The following LRRC9 variants were observed in gnomAD, a reference collection of about 807,000 sequenced individuals.
The protein encoded by LRRC9 is leucine-rich repeat-containing protein 9.
In LRRC9, 122 loss-of-function variants were observed where a neutral mutation model predicts 63.2. The ratio of observed to expected loss-of-function variants is 1.93; its 90% CI spans 1.67 to 2.24. The LOEUF (loss-of-function observed/expected upper bound fraction) is 2.24. LRRC9 is among the 30% of genes most tolerant of loss of function. LRRC9 has a pLI of 0.00. For synonymous variants in LRRC9, 366 were observed against 213.1 expected, an observed-to-expected ratio of 1.72 and a Z score of -6.25; for missense variants, 1,071 against 627.7, an observed-to-expected ratio of 1.71 and a Z score of -7.55.
intron 29 of LRRC9, among the ~76,000 whole-genome samples, chr14:60,045,595 G>C (rs1368996169): frequency 6.6e-6 from 1 of 152,132 alleles, no homozygotes; most frequent in Non-Finnish European, 1.5e-5. Context: ...CCCTGCAAAG[G>C]ACATGATCTC....
rs1227473608 is a variant in LRRC9 at position 60,042,498 on chromosome 14, A to T, written c.3990+10435A>T. On this transcript the variant is annotated intron_variant, in intron 29 of 31. Transcript: ENST00000445360. The surrounding 1 kb of genome is among the most constrained non-coding windows in gnomAD (Gnocchi z 4.2). The stretch of plus-strand genomic sequence containing the variant: ...CTGCTGCCTTGCAGTTCGATCTCAG[A>T]CTGCTGTGCTGGCAGTGAGTGAGGC... Among the ~76,000 whole-genome samples, 1 of 152,184 alleles carries T rather than the reference A, an allele frequency of 6.6e-6. No homozygotes were observed. The highest frequency in any genetic ancestry group is 6.5e-5 in the Admixed American group (1 of 15,290).
intron 8 of LRRC9, among the ~76,000 whole-genome samples, chr14:59,952,867 TTTCATTGTTCAG>T (rs1355029631): frequency 7.2e-5 from 11 of 152,280 alleles, no homozygotes; most frequent in African/African-American, 2.6e-4. Context: ...GTCCAAGTGT[TTTCATTGTTCAG>T]CTCCCACTTG....
chr14:60,020,538 T>C (rs1171082639), intron 26 of LRRC9, among the ~76,000 whole-genome samples: 2 of 151,968 alleles, frequency 1.3e-5, no homozygotes, highest in Non-Finnish European at 2.9e-5. Flanking sequence ...ATAATTTTAC[T>C]AAATTTATAG....
intron 31 of LRRC9, 126 bp from the exon 33 acceptor site, chr14:60,063,197 T>C (rs1382896896): frequency 6.5e-6 from 4 of 613,654 alleles, no homozygotes; most frequent in Non-Finnish European, 1.2e-5. Flanking sequence ...TGGGATAATT[T>C]TGTCTTTTTG....
chr14:60,004,881 T>TACACACACAC lies in LRRC9; in HGVS notation c.2842+1098_2842+1107dup, dbSNP rs10550604. Among the ~76,000 whole-genome samples, 1,195 of 150,342 alleles carry TACACACACAC rather than the reference T, an allele frequency of 7.9e-3. 10 individuals are homozygous for TACACACACAC. The highest frequency in any genetic ancestry group is 0.022 in the African/African-American group (912 of 41,102). ...AAAGAGAAATATGTATATGTGTGTA[T>TACACACACAC]ACACACACACACACACACACACACT... On this transcript the variant is annotated intron_variant, in intron 21 of 31. Transcript: ENST00000445360. This position sits in a 1 kb window ranked among gnomAD's most constrained non-coding sequence, Gnocchi z 4.8.
intron 9 of LRRC9, among the ~76,000 whole-genome samples, 180 bp downstream of exon 9, chr14:59,960,194 C>T (rs1884210180): frequency 6.6e-6 from 1 of 152,182 alleles, no homozygotes; most frequent in Admixed American, 6.5e-5. Context: ...GGGATAAAAG[C>T]TGGCTTACAG....
intron 12 of LRRC9, among the ~76,000 whole-genome samples, chr14:59,972,904 T>C (rs1228846120): frequency 6.6e-6 from 1 of 152,098 alleles, no homozygotes; most frequent in African/African-American, 2.4e-5. Flanking sequence ...TGCAAATTGG[T>C]TAAGTGTTAG....
At chr14:59,952,242 G>T (rs200848187) in intron 8 of LRRC9, among the ~76,000 whole-genome samples, 4,259 of 152,152 alleles carry the variant, frequency 0.028, 180 homozygotes, top group African/African-American at 0.086. Flanking sequence ...CGCAATATTC[G>T]GGTGGGAGTG....
At chr14:60,041,779 T>A (rs1446257990) in intron 29 of LRRC9, among the ~76,000 whole-genome samples, 1 of 152,236 alleles carries the variant, frequency 6.6e-6, no homozygotes, top group Non-Finnish European at 1.5e-5. Flanking sequence ...CCAGCTTTGT[T>A]CTGTTGCTGG....
intron 12 of LRRC9, among the ~76,000 whole-genome samples, chr14:59,972,727 C>G (rs985066517): frequency 1.3e-5 from 2 of 152,122 alleles, no homozygotes; most frequent in African/African-American, 4.8e-5. Flanking sequence ...TTCATAACAA[C>G]TACAACTGGC....
At chr14:60,005,397 C>T (rs924870625) in intron 21 of LRRC9, among the ~76,000 whole-genome samples, 3 of 152,030 alleles carry the variant, frequency 2.0e-5, no homozygotes, top group Non-Finnish European at 2.9e-5. Flanking sequence ...TTTTCATTTC[C>T]TTCCATAAAC....
At position 59,978,149 on chromosome 14, in the gene LRRC9, A is replaced by G. The variant is rs769319543; in HGVS notation, c.1878+17A>G. ...ATTACAATGGTATGAATTGTTACAT[A>G]TTCTTAAAGACTAATTCTAATTCCT... On this transcript the variant is annotated intron_variant, in intron 15 of 31. Coordinates refer to ENST00000445360, the Ensembl canonical transcript of LRRC9. The G allele has an allele frequency of 1.4e-6, 1 of 700,198 alleles. No individual in the cohort carries two copies. Among genetic ancestry groups the G allele is most frequent in the South Asian group, 1.5e-5 (1 of 67,190 alleles). The allele number at this position is 700,198 out of a possible 1,614,324, so 43.4% of individuals were successfully genotyped here.
At chr14:60,029,493 T>G (rs1414262555) in intron 28 of LRRC9, among the ~76,000 whole-genome samples, 4 of 152,166 alleles carry the variant, frequency 2.6e-5, no homozygotes, top group Non-Finnish European at 5.9e-5. Context: ...GTTTATTTAT[T>G]ACAGGCAGTC....
Position 59,966,503 on chromosome 14 carries a change from T to A in LRRC9, c.1212-86T>A. Reference sequence around the variant, plus strand: ...AAAGACACAAAATATGAGCTATAACTTTTATCACGTAGTTTTCTGTTCTTA... The same window carrying A: ...AAAGACACAAAATATGAGCTATAACATTTATCACGTAGTTTTCTGTTCTTA... On this transcript the variant is annotated intron_variant, in intron 10 of 31. Coordinates refer to ENST00000445360, the Ensembl canonical transcript of LRRC9. This position sits in a 1 kb window ranked among gnomAD's most constrained non-coding sequence, Gnocchi z 4.0. 1 of 475,646 alleles carries A rather than the reference T, an allele frequency of 2.1e-6. No individual in the cohort carries two copies. Among genetic ancestry groups the A allele is most frequent in the Non-Finnish European group, 3.7e-6 (1 of 267,374 alleles). The allele number at this position is 475,646 out of a possible 1,614,324, so 29.5% of individuals were successfully genotyped here.
At chr14:60,055,055 C>T (rs926214342) in intron 30 of LRRC9, among the ~76,000 whole-genome samples, 34 of 152,164 alleles carry the variant, frequency 2.2e-4, no homozygotes, top group African/African-American at 7.5e-4. Flanking sequence ...CCATTGCACC[C>T]GGCCCCCTTA....
intron 10 of LRRC9, 113 bp downstream of exon 10, chr14:59,961,158 C>T: frequency 4.0e-6 from 2 of 502,886 alleles, no homozygotes; most frequent in Non-Finnish European, 7.0e-6. Context: ...AAACATTTCT[C>T]ATGCAGAATA....
At chr14:60,030,856 T>C (rs1342603842) in intron 28 of LRRC9, among the ~76,000 whole-genome samples, 1 of 152,052 alleles carries the variant, frequency 6.6e-6, no homozygotes, top group African/African-American at 2.4e-5. Context: ...ATATTAAAAA[T>C]GGGAAGCCAT....
At chr14:60,063,216 C>A in intron 31 of LRRC9, 107 bp from the exon 33 acceptor site, 1 of 635,858 alleles carries the variant, frequency 1.6e-6, no homozygotes. Flanking sequence ...TGAAATTGCG[C>A]ACATCTAAAA....
intron 29 of LRRC9, among the ~76,000 whole-genome samples, chr14:60,033,125 T>C (rs189180692): frequency 6.6e-6 from 1 of 152,314 alleles, no homozygotes; most frequent in African/African-American, 2.4e-5. Context: ...TATATTTTCC[T>C]AATTGTTTGT....
Sources: gnomAD v4.1 joint callset for allele counts (sites outside exome capture counted in the v4.1 genomes callset) on GRCh38, gnomAD v4.1.1 for gene constraint, Gnocchi (gnomAD v3.1) non-coding constraint, MANE v1.5 for transcripts, NCBI Gene and HGNC (gene_info 2026-07-23, HGNC 2026-07-21) for gene names.